Variants in DAGLB observed in about 807,000 individuals in gnomAD.
DAGLB encodes the protein diacylglycerol lipase-beta.
DAGLB carries 66 observed loss-of-function variants against 72.1 expected under a neutral mutation model. That is an observed-to-expected ratio of 0.92 (90% CI 0.75 to 1.12). DAGLB has a LOEUF of 1.12. Ranked by LOEUF, DAGLB falls within the 50% of genes most tolerant of loss-of-function variation. The pLI, the probability that DAGLB is intolerant of heterozygous loss-of-function variation, is 0.00. For missense variants in DAGLB, 1,065 were observed against 884.9 expected (o/e 1.20, Z -2.58); for synonymous variants, 414 against 359.5 (o/e 1.15, Z -1.71).
intron 2 of DAGLB, 101 bp downstream of exon 2, chr7:6,445,852 T>A (rs1023214462): frequency 1.5e-6 from 2 of 1,304,498 alleles, no homozygotes; most frequent in Admixed American, 5.0e-5. Flanking sequence ...TTAAAAACTG[T>A]TGAATTGGAA....
intron 1 of DAGLB, 46 bp from the exon 2 acceptor site, chr7:6,446,150 G>C: frequency 6.4e-7 from 1 of 1,570,202 alleles, no homozygotes; most frequent in Non-Finnish European, 8.6e-7. Context: ...AATCCAAGGA[G>C]CTGCTGTGTA....
intron 9 of DAGLB, among the ~76,000 whole-genome samples, chr7:6,418,620 T>C (rs539763664): frequency 6.6e-6 from 1 of 152,006 alleles, no homozygotes. Context: ...CCACAGAAGA[T>C]GGGAGATGGT....
intron 13 of DAGLB, 21 bp downstream of exon 13, chr7:6,412,790 C>A (rs759252257): frequency 6.4e-7 from 1 of 1,569,006 alleles, no homozygotes; most frequent in South Asian, 1.2e-5. Flanking sequence ...TGCTGACCCT[C>A]TCAACAAGGC....
intron 11 of DAGLB, among the ~76,000 whole-genome samples, chr7:6,413,611 C>T (rs1783805899): frequency 6.8e-6 from 1 of 148,130 alleles, no homozygotes; most frequent in Non-Finnish European, 1.5e-5. Context: ...GCCTGGGCGA[C>T]AGAGCGAGAC....
At chr7:6,432,713 G>C (rs868754875) in intron 5 of DAGLB, 124 bp downstream of exon 5, 12 of 1,220,718 alleles carry the variant, frequency 9.8e-6, no homozygotes, top group East Asian at 6.1e-5. Flanking sequence ...GAGGGGGAGG[G>C]GAGGGAGGGG....
intron 5 of DAGLB, 30 bp from the exon 6 acceptor site, chr7:6,430,637 A>C: frequency 6.5e-7 from 1 of 1,543,054 alleles, no homozygotes; most frequent in Non-Finnish European, 8.8e-7. Context: ...ACTACTGTTT[A>C]TTAAGGGAAC....
At chr7:6,421,697 C>T (rs1784130060) in intron 9 of DAGLB, 30 bp downstream of exon 9, 1 of 1,580,606 alleles carries the variant, frequency 6.3e-7, no homozygotes, top group South Asian at 1.2e-5. Flanking sequence ...TCAGCATTCA[C>T]AGGCAAGACA....
chr7:6,428,846 T>C (rs1440303531), intron 6 of DAGLB, among the ~76,000 whole-genome samples: 1 of 152,122 alleles, frequency 6.6e-6, no homozygotes, highest in Non-Finnish European at 1.5e-5. Flanking sequence ...GCTCTGTCAC[T>C]CAGGCTGGAG....
intron 1 of DAGLB, among the ~76,000 whole-genome samples, chr7:6,446,477 C>CAAAGAAAAAAAA (rs1785004871): frequency 1.7e-5 from 1 of 58,636 alleles, no homozygotes; most frequent in Non-Finnish European, 2.9e-5. Flanking sequence ...GACTCCGTCT[C>CAAAGAAAAAAAA]AAAAAAAAAA....
At chr7:6,422,677 TC>T (rs969160445) in intron 8 of DAGLB, 1 of 152,268 alleles carries the variant, frequency 6.6e-6, no homozygotes, top group African/African-American at 2.4e-5. Flanking sequence ...CGGTGGAAGC[TC>T]AACATTGGGT....
chr7:6,414,202 G>C (rs774656375), intron 11 of DAGLB, among the ~76,000 whole-genome samples: 45 of 151,738 alleles, frequency 3.0e-4, no homozygotes, highest in Admixed American at 7.2e-4. Context: ...AGTAGAGATA[G>C]GGTTTCACCG....
At chr7:6,428,601 C>T (rs1784385742) in intron 6 of DAGLB, among the ~76,000 whole-genome samples, 1 of 151,782 alleles carries the variant, frequency 6.6e-6, no homozygotes, top group Admixed American at 6.6e-5. Context: ...ATTCTCCTGC[C>T]TCAACCTCCC....
intron 11 of DAGLB, among the ~76,000 whole-genome samples, chr7:6,415,270 ACTT>A (rs1783868735): frequency 1.3e-5 from 2 of 151,940 alleles, no homozygotes. Flanking sequence ...TATTCTGAAC[ACTT>A]CTTTATTGAG....
At position 6,412,189 on chromosome 7, in the gene DAGLB, C is replaced by T. The variant is rs1166990934; in HGVS notation, c.1569+622G>A. ...TTAGCCTCCCAAAGGGCTGGGATTA[C>T]AAGCGTGACCCACCGCGCCTGGCCA... On this transcript the variant is annotated intron_variant, in intron 13 of 14. Transcript: ENST00000297056. 3.3e-5 allele frequency among the ~76,000 whole-genome samples: 5 copies of T among 152,290 alleles called. No homozygotes were observed. The East Asian group carries it at 7.7e-4, about 23-fold the overall frequency.
chr7:6,426,286 T>C (rs1007265807), intron 6 of DAGLB, among the ~76,000 whole-genome samples, 172 bp from the exon 7 acceptor site: 3 of 152,200 alleles, frequency 2.0e-5, no homozygotes, highest in East Asian at 1.9e-4. Context: ...GACTGACTGA[T>C]TGAGATGGAG....
In DAGLB at chr7:6,437,950, G is replaced by A. The variant is rs149384937; in HGVS notation, c.248-1417C>T. On this transcript the variant is annotated intron_variant, in intron 2 of 14. Coordinates refer to ENST00000297056, the MANE Select transcript of DAGLB (RefSeq NM_139179.4). ...AGCCACAGCACCCTACCAGGAAATA[G>A]CTTTTAAATTCAAAAAATTATCTTC... Among the ~76,000 whole-genome samples, 3 of 152,234 alleles carry A rather than the reference G, an allele frequency of 2.0e-5. No homozygotes were observed. In the East Asian group the frequency reaches 5.8e-4, roughly 29 times the overall value.
chr7:6,412,788 C>G (rs1306030245), intron 13 of DAGLB, 23 bp downstream of exon 13: 3 of 1,567,764 alleles, frequency 1.9e-6, no homozygotes, highest in Non-Finnish European at 2.6e-6. Flanking sequence ...CCTGCTGACC[C>G]TCTCAACAAG....
At chr7:6,444,005 C>T (rs1425462876) in intron 2 of DAGLB, among the ~76,000 whole-genome samples, 3 of 151,940 alleles carry the variant, frequency 2.0e-5, no homozygotes, top group African/African-American at 7.3e-5. Context: ...GGTGGTTCAC[C>T]CCTGTAATCC....
At chr7:6,417,928 T>G (rs1783972337) in intron 9 of DAGLB, 1 of 152,170 alleles carries the variant, frequency 6.6e-6, no homozygotes, top group Non-Finnish European at 1.5e-5. Flanking sequence ...TGGAGTGCAA[T>G]GGGGCGATCT....
Sources: gnomAD v4.1 joint callset for allele counts (sites outside exome capture counted in the v4.1 genomes callset) on GRCh38, gnomAD v4.1.1 for gene constraint, MANE v1.5 for transcripts, NCBI Gene and HGNC (gene_info 2026-07-23, HGNC 2026-07-21) for gene names.